Variants in MDGA2 observed in about 807,000 individuals in gnomAD.
The protein encoded by MDGA2 is MAM domain containing glycosylphosphatidylinositol anchor 2.
In MDGA2, 40 loss-of-function variants were observed where a neutral mutation model predicts 117.8. That is an observed-to-expected ratio of 0.34 (90% CI 0.26 to 0.44). The LOEUF is 0.44. Ranked by LOEUF, MDGA2 falls within the 20% of genes least tolerant of loss-of-function variation. The pLI, the probability that MDGA2 is intolerant of heterozygous loss-of-function variation, is 1.00. For synonymous variants in MDGA2, 452 were observed against 439.0 expected (o/e 1.03, Z -0.37); for missense variants, 1,123 against 1,250.6 (o/e 0.90, Z 1.54).
Position 47,246,802 on chromosome 14 carries a change from A to AACACACACACACACACAC in MDGA2, c.421-28625_421-28608dup, listed in dbSNP as rs34773547. 5.3e-3 allele frequency among the ~76,000 whole-genome samples: 746 copies of AACACACACACACACACAC among 141,808 alleles called. 8 individuals are homozygous for AACACACACACACACACAC. The highest frequency in any genetic ancestry group is 0.017 in the East Asian group (81 of 4,790). The allele number at this position is 141,808 out of a possible 152,430, so 93.0% of individuals were successfully genotyped here. On this transcript the variant is annotated intron_variant, in intron 2 of 16. Transcript: ENST00000399232. ...CCATTAATTCTGAAGCAGGTAATGA[A>AACACACACACACACACAC]ACACACACACACACACACACACACA...
At chr14:46,848,348 A>T (rs1880925737) in intron 15 of MDGA2, among the ~76,000 whole-genome samples, 1 of 152,124 alleles carries the variant, frequency 6.6e-6, no homozygotes, top group South Asian at 2.1e-4. Flanking sequence ...TTCACTTAGT[A>T]AGTTCTTGTT....
chr14:46,909,076 T>C (rs535849659), intron 10 of MDGA2, among the ~76,000 whole-genome samples: 3 of 152,336 alleles, frequency 2.0e-5, no homozygotes, highest in African/African-American at 7.2e-5. Context: ...GTCTGCTTCC[T>C]ACTCTACCAA....
chr14:47,540,540 G>GTGTGTGTGTGTGTATATATATA lies in MDGA2; in HGVS notation c.280+133976_280+133977insTATATATATACACACACACACA. On this transcript the variant is annotated intron_variant, in intron 1 of 16. Transcript: ENST00000399232. ...TGTATATGTGTGTGTGTGTGTGTGTGTATATATATATATGTATATATATAC... is the reference window on the plus strand; with the variant it reads ...TGTATATGTGTGTGTGTGTGTGTGTGTGTGTGTGTGTGTATATATATATATATATATATATGTATATATATAC... 9.3e-3 allele frequency among the ~76,000 whole-genome samples: 734 copies of GTGTGTGTGTGTGTATATATATA among 78,998 alleles called. 3 individuals are homozygous for GTGTGTGTGTGTGTATATATATA. Among genetic ancestry groups the GTGTGTGTGTGTGTATATATATA allele is most frequent in the African/African-American group, 0.012 (314 of 25,428 alleles). 51.8% of individuals were successfully genotyped at this position (78,998 alleles called of 152,430 possible). A position where few individuals can be genotyped will look rare whatever the true frequency, so the allele number is the denominator to read the frequency against.
intron 6 of MDGA2, among the ~76,000 whole-genome samples, chr14:47,086,553 T>C (rs1370708521): frequency 6.6e-6 from 1 of 152,224 alleles, no homozygotes; most frequent in African/African-American, 2.4e-5. Context: ...TAGAATAGAA[T>C]GTACCCATTA....
chr14:47,516,445 A>G, intron 1 of MDGA2, among the ~76,000 whole-genome samples: 1 of 152,172 alleles, frequency 6.6e-6, no homozygotes, highest in South Asian at 2.1e-4. Context: ...TCAAAGGGAC[A>G]CATGTTTAAA....
chr14:47,042,676 G>A (rs894513531), intron 7 of MDGA2, among the ~76,000 whole-genome samples: 17 of 152,018 alleles, frequency 1.1e-4, no homozygotes, highest in African/African-American at 3.6e-4. Context: ...AATAATTTGC[G>A]TTTGCAACAA....
intron 1 of MDGA2, among the ~76,000 whole-genome samples, chr14:47,396,906 T>C (rs1021480602): frequency 6.6e-6 from 1 of 152,170 alleles, no homozygotes; most frequent in Non-Finnish European, 1.5e-5. Context: ...AGTTCAACCA[T>C]TGTGGAAGAC....
chr14:47,635,414 C>T (rs925097553), intron 1 of MDGA2, among the ~76,000 whole-genome samples: 3 of 151,946 alleles, frequency 2.0e-5, no homozygotes, highest in African/African-American at 7.2e-5. Context: ...TTTTATATGA[C>T]CTGACGTAGT....
At chr14:47,140,925 AGAAAAT>A (rs1882690289) in intron 4 of MDGA2, among the ~76,000 whole-genome samples, 1 of 152,164 alleles carries the variant, frequency 6.6e-6, no homozygotes, top group African/African-American at 2.4e-5. Context: ...GTTAATATCT[AGAAAAT>A]ACACAGAACT....
chr14:47,448,906 G>A (rs1893182995), intron 1 of MDGA2, among the ~76,000 whole-genome samples: 1 of 152,166 alleles, frequency 6.6e-6, no homozygotes, highest in Non-Finnish European at 1.5e-5. Flanking sequence ...TCATTAAATT[G>A]TAGGTTACCC....
chr14:47,481,871 T>C (rs1893960739), intron 1 of MDGA2, among the ~76,000 whole-genome samples: 2 of 151,932 alleles, frequency 1.3e-5, no homozygotes, highest in South Asian at 4.1e-4. Flanking sequence ...AAATAAAAAA[T>C]CCCAACTATC....
intron 5 of MDGA2, among the ~76,000 whole-genome samples, chr14:47,101,483 A>G (rs1880321665): frequency 6.6e-6 from 1 of 152,178 alleles, no homozygotes; most frequent in Admixed American, 6.5e-5. Flanking sequence ...ATTCAAGATC[A>G]TAGGAGATCA....
intron 7 of MDGA2, among the ~76,000 whole-genome samples, chr14:47,056,675 T>G (rs1433654021): frequency 6.6e-6 from 1 of 152,126 alleles, no homozygotes; most frequent in African/African-American, 2.4e-5. Flanking sequence ...AAGAAATAAG[T>G]GCAAGCTAAT....
chr14:47,522,261 A>C (rs1283562975), intron 1 of MDGA2, among the ~76,000 whole-genome samples: 2 of 152,000 alleles, frequency 1.3e-5, no homozygotes, highest in Non-Finnish European at 2.9e-5. Context: ...AAAACAACAT[A>C]ATGTTGTGTT....
intron 2 of MDGA2, among the ~76,000 whole-genome samples, chr14:47,296,023 A>G (rs1889060671): frequency 6.6e-6 from 1 of 152,152 alleles, no homozygotes; most frequent in Middle Eastern, 3.2e-3. Flanking sequence ...TACAGAAAAG[A>G]ATAACAGTAA....
At chr14:47,290,013 T>C (rs1267436979) in intron 2 of MDGA2, among the ~76,000 whole-genome samples, 3 of 152,184 alleles carry the variant, frequency 2.0e-5, no homozygotes, top group Non-Finnish European at 4.4e-5. Flanking sequence ...TAAATCTCTA[T>C]CACACAAAAT....
At chr14:46,985,122 C>A (rs2138402941) in intron 8 of MDGA2, among the ~76,000 whole-genome samples, 1 of 152,124 alleles carries the variant, frequency 6.6e-6, no homozygotes, top group African/African-American at 2.4e-5. Context: ...GTTACTAGGA[C>A]CAAACTACTG....
chr14:47,305,413 T>C (rs911920365), intron 1 of MDGA2: 9 of 152,296 alleles, frequency 5.9e-5, no homozygotes, highest in Admixed American at 4.6e-4. Flanking sequence ...AATTTCATTA[T>C]GTAAAATCTT....
At chr14:46,945,100 G>A (rs1273430803) in intron 9 of MDGA2, among the ~76,000 whole-genome samples, 1 of 152,030 alleles carries the variant, frequency 6.6e-6, no homozygotes, top group Non-Finnish European at 1.5e-5. Flanking sequence ...TGTAAAGAGT[G>A]CCAAGTTTTA....
Sources: gnomAD v4.1 joint callset for allele counts (sites outside exome capture counted in the v4.1 genomes callset) on GRCh38, gnomAD v4.1.1 for gene constraint, MANE v1.5 for transcripts, NCBI Gene and HGNC (gene_info 2026-07-23, HGNC 2026-07-21) for gene names.